Variants in NRG1 observed in about 807,000 individuals in gnomAD.
The protein encoded by NRG1 is pro-neuregulin-1, membrane-bound isoform.
NRG1 carries 18 observed loss-of-function variants against 63.8 expected under a neutral mutation model. That is an observed-to-expected ratio of 0.28 (90% confidence interval 0.19 to 0.42). NRG1 has a LOEUF of 0.42. Ranked by LOEUF, NRG1 falls within the 10% of genes least tolerant of loss-of-function variation. NRG1 has a pLI of 1.00. For missense variants in NRG1, 762 were observed against 814.7 expected (o/e 0.94, Z 0.79); for synonymous variants, 302 against 301.3 (o/e 1.00, Z -0.02).
At chr8:32,015,356 T>C (rs1281202806) in intron 1 of NRG1, among the ~76,000 whole-genome samples, 1 of 152,170 alleles carries the variant, frequency 6.6e-6, no homozygotes, top group Non-Finnish European at 1.5e-5. Context: ...CCAGCTTGTC[T>C]CTTAGTTTCC....
chr8:32,415,621 A>T (rs1159409626), intron 1 of NRG1, among the ~76,000 whole-genome samples: 1 of 152,224 alleles, frequency 6.6e-6, no homozygotes, highest in East Asian at 1.9e-4. Flanking sequence ...GCATGAATGC[A>T]TAAGACCATA....
At chr8:32,119,182 AG>A (rs776080053) in intron 1 of NRG1, among the ~76,000 whole-genome samples, 3 of 152,232 alleles carry the variant, frequency 2.0e-5, no homozygotes, top group East Asian at 3.9e-4. Context: ...GAGTATTACA[AG>A]GCAATTAGCT....
chr8:32,611,823 A>G, intron 3 of NRG1, among the ~76,000 whole-genome samples: 1 of 152,116 alleles, frequency 6.6e-6, no homozygotes, highest in Non-Finnish European at 1.5e-5. Flanking sequence ...GTATGTTTGT[A>G]TATACTGTAT....
intron 1 of NRG1, among the ~76,000 whole-genome samples, chr8:32,444,825 G>T (rs1331486983): frequency 1.3e-5 from 2 of 152,132 alleles, no homozygotes; most frequent in Non-Finnish European, 2.9e-5. Context: ...ATGTCATTTT[G>T]CCCCTTTGAG....
chr8:32,557,798 T>A (rs949997817), intron 1 of NRG1, among the ~76,000 whole-genome samples: 1 of 152,234 alleles, frequency 6.6e-6, no homozygotes, highest in Non-Finnish European at 1.5e-5. Context: ...AAACCAATAA[T>A]TTGAATACTG....
At chr8:32,052,616 C>T (rs2130822897) in intron 1 of NRG1, among the ~76,000 whole-genome samples, 1 of 152,168 alleles carries the variant, frequency 6.6e-6, no homozygotes, top group East Asian at 1.9e-4. Flanking sequence ...GCTGTAAAGT[C>T]CAGAAATCAA....
intron 1 of NRG1, among the ~76,000 whole-genome samples, chr8:32,426,329 G>A (rs1817369390): frequency 1.3e-5 from 2 of 152,158 alleles, no homozygotes; most frequent in South Asian, 2.1e-4. Flanking sequence ...ATGGACAGAT[G>A]TGTGCATTTT....
At chr8:32,709,237 G>T (rs564244944) in intron 5 of NRG1, among the ~76,000 whole-genome samples, 1 of 151,974 alleles carries the variant, frequency 6.6e-6, no homozygotes, top group Non-Finnish European at 1.5e-5. Context: ...TTTTAGTCAC[G>T]CCTCTTATAT....
chr8:32,608,032 C>A (rs1429696116), intron 3 of NRG1, among the ~76,000 whole-genome samples: 3 of 148,704 alleles, frequency 2.0e-5, no homozygotes. Context: ...AGAAAACAGA[C>A]TTATTCAGGA....
At chr8:31,890,446 T>C (rs1049735839) in intron 1 of NRG1, among the ~76,000 whole-genome samples, 7 of 152,028 alleles carry the variant, frequency 4.6e-5, no homozygotes, top group Non-Finnish European at 8.8e-5. Flanking sequence ...AGTTATAATA[T>C]GTGAAAAAGG....
At position 32,077,375 on chromosome 8, in the gene NRG1, C is replaced by A. The variant is rs546148901; in HGVS notation, c.37+437944C>A. Among the ~76,000 whole-genome samples, 93 of 152,020 alleles carry A rather than the reference C, an allele frequency of 6.1e-4. 1 individual carries two copies. Among genetic ancestry groups the A allele is most frequent in the African/African-American group, 1.9e-3 (78 of 41,496 alleles). ...GAGCAAAACTTCATCCCCTCCCCCC[C>A]AAAAAATTGTTAACTACTACAAGCA... On this transcript the variant is annotated intron_variant, in intron 1 of 10. Coordinates refer to the NRG1 transcript ENST00000519301.
rs78939237 is a variant in NRG1 at position 31,745,400 on chromosome 8, G to C, written c.37+105969G>C. On this transcript the variant is annotated intron_variant, in intron 1 of 10. Transcript: ENST00000519301. ...GGCCACTGTAAAACTCGGTGGTTCA[G>C]ATGTGGGTGACATGATTTGCAAATA... Among the ~76,000 whole-genome samples the C allele has an allele frequency of 3.3e-3, 502 of 152,074 alleles. 5 individuals carry two copies. The highest frequency in any genetic ancestry group is 0.011 in the African/African-American group (440 of 41,520).
At chr8:32,281,184 C>CTTTT (rs35582021) in intron 1 of NRG1, among the ~76,000 whole-genome samples, 5 of 94,326 alleles carry the variant, frequency 5.3e-5, no homozygotes, top group Non-Finnish European at 9.9e-5. Flanking sequence ...GTAGTTTTTC[C>CTTTT]TTTTTTTTTT....
chr8:31,979,760 ATT>A (rs1719288592), intron 1 of NRG1, among the ~76,000 whole-genome samples: 2 of 152,088 alleles, frequency 1.3e-5, no homozygotes, highest in Admixed American at 6.6e-5. Context: ...CAAATATTAT[ATT>A]ACAGTAAAAC....
At chr8:32,484,329 A>G (rs1428932636) in intron 1 of NRG1, among the ~76,000 whole-genome samples, 1 of 152,200 alleles carries the variant, frequency 6.6e-6, no homozygotes, top group Non-Finnish European at 1.5e-5. Flanking sequence ...AGACAATGAC[A>G]AGATACATTT....
chr8:32,166,141 A>G (rs1839376500), intron 1 of NRG1, among the ~76,000 whole-genome samples: 1 of 152,142 alleles, frequency 6.6e-6, no homozygotes, highest in Admixed American at 6.5e-5. Flanking sequence ...TTATGCTGGG[A>G]AGTTGCTTAA....
chr8:32,007,543 A>T (rs554480432), intron 1 of NRG1, among the ~76,000 whole-genome samples: 1 of 152,036 alleles, frequency 6.6e-6, no homozygotes, highest in Non-Finnish European at 1.5e-5. Context: ...AGCTTGCCCA[A>T]GGTTACTCTT....
chr8:32,499,668 T>C (rs1827625767), intron 1 of NRG1, among the ~76,000 whole-genome samples: 1 of 152,100 alleles, frequency 6.6e-6, no homozygotes, highest in African/African-American at 2.4e-5. Flanking sequence ...AGTGAGATCC[T>C]GTCTTAAAAA....
At chr8:32,078,900 T>C (rs1424188581) in intron 1 of NRG1, among the ~76,000 whole-genome samples, 1 of 152,160 alleles carries the variant, frequency 6.6e-6, no homozygotes, top group Non-Finnish European at 1.5e-5. Context: ...ATTCTGTGTG[T>C]ATGGATTCTG....
Sources: gnomAD v4.1 joint callset for allele counts (sites outside exome capture counted in the v4.1 genomes callset) on GRCh38, gnomAD v4.1.1 for gene constraint, MANE v1.5 for transcripts, NCBI Gene and HGNC (gene_info 2026-07-23, HGNC 2026-07-21) for gene names.